LMTK3: variants seen among roughly 807,000 people sequenced by gnomAD.
LMTK3 encodes the protein lemur tail kinase 3.
Under a neutral mutation model 116.7 loss-of-function variants are expected in LMTK3, and 27 were observed. The observed-to-expected ratio is 0.23, with a 90% CI of 0.17 to 0.32. The LOEUF (loss-of-function observed/expected upper bound fraction) is 0.32, where lower values mean the gene tolerates loss of function less well. Ranked by LOEUF, LMTK3 falls within the 10% of genes least tolerant of loss-of-function variation. The pLI, the probability that LMTK3 is intolerant of heterozygous loss-of-function variation, is 1.00. For synonymous variants in LMTK3, 965 were observed against 971.0 expected (o/e 0.99, Z 0.11); for missense variants, 1,764 against 2,068.5 (o/e 0.85, Z 2.86).
chr19:48,513,244 G>A (rs1972690838), upstream of LMTK3: 5 of 1,321,240 alleles, frequency 3.8e-6, no homozygotes, highest in African/African-American at 2.9e-5. The surrounding 1 kb of genome is among the most constrained non-coding windows in gnomAD (Gnocchi z 5.6). Flanking sequence ...TGAGTATTTA[G>A]TCTGTGCCAG....
chr19:48,510,676 G>T, intron 1 of LMTK3, 84 bp from the exon 2 acceptor site: 1 of 1,407,134 alleles, frequency 7.1e-7, no homozygotes, highest in Non-Finnish European at 9.4e-7. Context: ...GGCACGTCTT[G>T]GACTACAACT....
At position 48,510,497 on chromosome 19, in the gene LMTK3, T is replaced by C. The variant is rs1319445821; in HGVS notation, c.172A>G (p.Thr58Ala). The C allele has an allele frequency of 1.9e-6, 3 of 1,596,232 alleles. No homozygotes were observed. The highest frequency in any genetic ancestry group is 2.6e-6 in the Non-Finnish European group (3 of 1,171,718). Residue 58 changes from threonine to alanine, a missense_variant, in exon 2 of 15, where the codon ACC becomes GCC. Transcript: ENST00000600059. The stretch of plus-strand genomic sequence containing the variant: ...TCGCCCCGTTTGCAGCACAGACAGG[T>C]GAGGAGGAGGAAGATGAAGGCCAGC... ...GLLAFIFLLL[T>A]CLCCKRGDVG... is the part of the protein sequence containing the mutation.
At chr19:48,510,637 G>T in intron 1 of LMTK3, 45 bp from the exon 2 acceptor site, 1 of 1,498,138 alleles carries the variant, frequency 6.7e-7, no homozygotes, top group Non-Finnish European at 8.9e-7. Context: ...CAAGTCCCTG[G>T]ATACCGGAAT....
rs1224665626 is a variant in LMTK3, at chr19:48,500,355, C to T, written c.1152-438G>A. On this transcript the variant is annotated intron_variant, in intron 10 of 14. Coordinates refer to ENST00000600059, the MANE Select transcript of LMTK3 (RefSeq NM_001388485.1). This position sits in a 1 kb window ranked among gnomAD's most constrained non-coding sequence, Gnocchi z 4.0. ...AGGAGAACCGCTTGAACCCGGGAGGCGGAGGTTGCAGTGAGCCAAGATCGT... is the reference window on the plus strand; with the variant it reads ...AGGAGAACCGCTTGAACCCGGGAGGTGGAGGTTGCAGTGAGCCAAGATCGT... 6.6e-6 allele frequency among the ~76,000 whole-genome samples: 1 copy of T among 151,706 alleles called. No homozygotes were observed. Among genetic ancestry groups the T allele is most frequent in the Non-Finnish European group, 1.5e-5 (1 of 67,970 alleles).
rs926972389 is a variant in LMTK3 at position 48,498,611 on chromosome 19, G to C, written c.2458C>G (p.Arg820Gly). 2 of 1,545,706 alleles carry C rather than the reference G, an allele frequency of 1.3e-6. No individual in the cohort carries two copies. Among genetic ancestry groups the C allele is most frequent in the East Asian group, 4.9e-5 (2 of 40,750 alleles). Residue 820 changes from arginine to glycine, a missense_variant, in exon 11 of 15, where the codon CGG (arginine) becomes GGG (glycine). Physicochemically the swap from Arg to Gly is moderately radical, Grantham distance 125. This residue lies in a region of LMTK3 where 1,028 missense variants were observed against 1,050.6 expected (regional missense o/e 0.98). Transcript: ENST00000600059. Reference sequence around the variant, plus strand: ...GGTGGCTCGGGGGGAGCCCGCGGCCGAGGGACCCCTTCCTCCTCGGCCGCC... The same window carrying C: ...GGTGGCTCGGGGGGAGCCCGCGGCCCAGGGACCCCTTCCTCCTCGGCCGCC... Reference protein sequence around the residue: ...GGAAEEEGVPRPRAPPEPPDP... With the variant: ...GGAAEEEGVPGPRAPPEPPDP...
Position 48,509,464 on chromosome 19 carries a change from C to T in LMTK3, c.411G>A (p.Gln137=), listed in dbSNP as rs1204735851. Residue 137 remains glutamine (Q), a synonymous_variant, in exon 4 of 15, where the codon CAG becomes CAA. Coordinates refer to ENST00000600059, the MANE Select transcript of LMTK3 (RefSeq NM_001388485.1). The part of the protein sequence containing the change: ...GLSRQHLSYL[Q]EIGSGWFGKV... Reference sequence around the variant, plus strand: ...TCCCAAACCAGCCACTCCCAATCTCCTGCAGGTAGCTCAGGTGCTGCCGGC... The same window carrying T: ...TCCCAAACCAGCCACTCCCAATCTCTTGCAGGTAGCTCAGGTGCTGCCGGC... The T allele has an allele frequency of 1.2e-5, 18 of 1,560,092 alleles. No individual in the cohort carries two copies. The highest frequency in any genetic ancestry group is 1.6e-5 in the Non-Finnish European group (18 of 1,151,158).
chr19:48,502,844 C>G, intron 6 of LMTK3, 65 bp downstream of exon 6: 7 of 1,223,224 alleles, frequency 5.7e-6, no homozygotes, highest in East Asian at 2.4e-5. Flanking sequence ...CCAGGGGCAC[C>G]AGGCTTGGCC....
upstream of LMTK3, among the ~76,000 whole-genome samples, chr19:48,512,262 C>T (rs1972675971): frequency 6.6e-6 from 1 of 152,104 alleles, no homozygotes; most frequent in Non-Finnish European, 1.5e-5. Context: ...ACACGTCACA[C>T]ACAAAGACGC....
intron 5 of LMTK3, among the ~76,000 whole-genome samples, chr19:48,507,958 G>T (rs1249506826): frequency 6.6e-6 from 1 of 152,174 alleles, no homozygotes; most frequent in Non-Finnish European, 1.5e-5. Context: ...AGGAGTAAGG[G>T]AAGATGTCTC....
intron 7 of LMTK3, among the ~76,000 whole-genome samples, chr19:48,501,949 TCC>T (rs1972475485): frequency 1.1e-5 from 1 of 91,562 alleles, no homozygotes. Flanking sequence ...TCCTGACTCC[TCC>T]CCCTCCCCTG....
chr19:48,507,589 T>C (rs1310688841), intron 5 of LMTK3, among the ~76,000 whole-genome samples: 1 of 152,184 alleles, frequency 6.6e-6, no homozygotes, highest in Non-Finnish European at 1.5e-5. Context: ...TTTGATTGCA[T>C]TTTAATTAGC....
In LMTK3 at chr19:48,501,569, G is replaced by A. The variant is rs774151583; in HGVS notation, c.795-7C>T. 1.0e-4 allele frequency: 162 copies of A among 1,601,876 alleles called. 2 individuals are homozygous for A. The Admixed American group carries it at 1.0e-3, about 10-fold the overall frequency. ...GTTGCGCAGGGCCAGGTCGCTGCGG[G>A]AAGAACGCGAGGAGGTGAGCGCAGG... On this transcript the variant is annotated splice_region_variant and splice_polypyrimidine_tract_variant and intron_variant, in intron 7 of 14. Transcript: ENST00000600059.
chr19:48,501,698 C>A, intron 7 of LMTK3, 136 bp from the exon 8 acceptor site: 1 of 878,112 alleles, frequency 1.1e-6, no homozygotes, highest in Non-Finnish European at 1.8e-6. Context: ...TCTGATCTGT[C>A]TCTCCCCTCT....
chr19:48,504,679 T>C (rs1972533712), intron 5 of LMTK3, among the ~76,000 whole-genome samples: 1 of 151,722 alleles, frequency 6.6e-6, no homozygotes, highest in Non-Finnish European at 1.5e-5. Context: ...CTCCGAGTAG[T>C]TGGGATTATA....
intron 14 of LMTK3, among the ~76,000 whole-genome samples, chr19:48,486,336 G>A (rs1193961500): frequency 6.6e-6 from 1 of 151,052 alleles, no homozygotes; most frequent in Non-Finnish European, 1.5e-5. Flanking sequence ...TGGGATTACA[G>A]GCGTGAGCCA....
intron 1 of LMTK3, among the ~76,000 whole-genome samples, chr19:48,510,965 G>A (rs889263186): frequency 2.6e-5 from 4 of 152,216 alleles, no homozygotes; most frequent in Admixed American, 2.6e-4. Context: ...ACCCCTCGTT[G>A]GGGAGGAGGA....
Position 48,491,063 on chromosome 19 carries a change from G to T in LMTK3, c.4366+45C>A. Reference sequence around the variant, plus strand: ...AAGAAGTTGGCAGTGGAACATAGGGGGACAGAGATGGGCAGAGGAGGGGGC... The same window carrying T: ...AAGAAGTTGGCAGTGGAACATAGGGTGACAGAGATGGGCAGAGGAGGGGGC... On this transcript the variant is annotated intron_variant, in intron 14 of 14. Transcript: ENST00000600059. The surrounding 1 kb of genome is among the most constrained non-coding windows in gnomAD (Gnocchi z 5.1). The T allele has an allele frequency of 7.8e-7, 1 of 1,273,952 alleles. No individual in the cohort carries two copies. The highest frequency in any genetic ancestry group is 1.0e-6 in the Non-Finnish European group (1 of 997,992). The allele number at this position is 1,273,952 out of a possible 1,614,324, so 78.9% of individuals were successfully genotyped here. A position where few individuals can be genotyped will look rare whatever the true frequency, so the allele number is the denominator to read the frequency against.
chr19:48,497,852 C>G lies in LMTK3; in HGVS notation c.3217G>C (p.Gly1073Arg). 7.0e-7 allele frequency: 1 copy of G among 1,430,512 alleles called. No homozygotes were observed. Among genetic ancestry groups the G allele is most frequent in the Non-Finnish European group, 9.1e-7 (1 of 1,096,976 alleles). The allele number at this position is 1,430,512 out of a possible 1,614,324, so 88.6% of individuals were successfully genotyped here. Residue 1073 changes from glycine to arginine, a missense_variant, in exon 11 of 15, where the codon GGC becomes CGC. By Grantham distance (125) the Gly-to-Arg change is moderately radical. This residue lies in a region of LMTK3 where 1,028 missense variants were observed against 1,050.6 expected (regional missense o/e 0.98). Coordinates refer to ENST00000600059, the MANE Select transcript of LMTK3 (RefSeq NM_001388485.1). The surrounding 1 kb of genome is among the most constrained non-coding windows in gnomAD (Gnocchi z 5.7). ...SSRNGGETAPGPLGPAPKNGT... is the reference protein window; with the variant it reads ...SSRNGGETAPRPLGPAPKNGT... ...TTCTTGGGGGCTGGGCCAAGGGGGCCAGGGGCTGTCTCCCCGCCGTTCCGG... is the reference window on the plus strand; with the variant it reads ...TTCTTGGGGGCTGGGCCAAGGGGGCGAGGGGCTGTCTCCCCGCCGTTCCGG...
intron 5 of LMTK3, among the ~76,000 whole-genome samples, 182 bp downstream of exon 5, chr19:48,508,669 G>A (rs1972608608): frequency 1.3e-5 from 2 of 152,098 alleles, no homozygotes; most frequent in Non-Finnish European, 2.9e-5. Flanking sequence ...CCACCATCCT[G>A]CCTCTCACTT....
Sources: allele counts gnomAD v4.1 joint callset (sites outside exome capture counted in the v4.1 genomes callset), GRCh38; gene constraint gnomAD v4.1.1; regional missense constraint gnomAD v4.1.1; non-coding constraint Gnocchi (gnomAD v3.1); transcripts MANE v1.5; gene names NCBI Gene and HGNC (gene_info 2026-07-23, HGNC 2026-07-21).